The following ROBO2 variants were observed in gnomAD, a reference collection of about 807,000 sequenced individuals.
The protein encoded by ROBO2 is roundabout guidance receptor 2.
A neutral mutation model predicts 160.8 loss-of-function variants in ROBO2; 53 were observed. The observed-to-expected ratio is 0.33, with a 90% CI of 0.26 to 0.41. The LOEUF (loss-of-function observed/expected upper bound fraction) is 0.41, where lower values mean the gene tolerates loss of function less well. ROBO2 is among the 10% of genes least tolerant of loss of function. The probability of loss-of-function intolerance (pLI) is 1.00; values close to 1 mark genes in which losing one functional copy is unlikely to be tolerated. For missense variants in ROBO2, 1,577 were observed against 1,722.4 expected (o/e 0.92, Z 1.49); for synonymous variants, 664 against 611.7 (o/e 1.09, Z -1.26).
chr3:77,496,244 A>C (rs1425945311), intron 5 of ROBO2, among the ~76,000 whole-genome samples: 1 of 152,176 alleles, frequency 6.6e-6, no homozygotes, highest in Admixed American at 6.5e-5. Flanking sequence ...GTAAGCTTTA[A>C]ATTGTTTTTG....
chr3:76,882,228 G>C (rs866732672), intron 2 of ROBO2, among the ~76,000 whole-genome samples: 2 of 151,938 alleles, frequency 1.3e-5, no homozygotes, highest in Non-Finnish European at 2.9e-5. Context: ...TTGTTGCTGT[G>C]GTTGTTAGTT....
intron 2 of ROBO2, among the ~76,000 whole-genome samples, chr3:77,004,694 C>G (rs992254591): frequency 2.9e-4 from 44 of 152,164 alleles, no homozygotes; most frequent in African/African-American, 1.1e-3. Context: ...AGGCATTTCG[C>G]TTTCAGTAAA....
intron 2 of ROBO2, among the ~76,000 whole-genome samples, chr3:77,218,190 C>A (rs2085235204): frequency 6.6e-6 from 1 of 152,060 alleles, no homozygotes; most frequent in Admixed American, 6.6e-5. Flanking sequence ...TTTCACTGGA[C>A]TGGGTATTAA....
intron 2 of ROBO2, among the ~76,000 whole-genome samples, chr3:77,432,241 TG>T: frequency 6.6e-6 from 1 of 152,284 alleles, no homozygotes; most frequent in Middle Eastern, 3.4e-3. Flanking sequence ...TTATAGGAAA[TG>T]TAAGGAATGA....
intron 2 of ROBO2, among the ~76,000 whole-genome samples, chr3:76,812,716 A>G (rs2065299108): frequency 6.6e-6 from 1 of 152,002 alleles, no homozygotes; most frequent in Non-Finnish European, 1.5e-5. Flanking sequence ...AGAGCTTTCT[A>G]AAGTGTACTC....
chr3:77,215,034 T>C (rs1292226013), intron 2 of ROBO2, among the ~76,000 whole-genome samples: 1 of 152,166 alleles, frequency 6.6e-6, no homozygotes, highest in Non-Finnish European at 1.5e-5. Context: ...ATTTCAACTT[T>C]GGTGAATCTG....
chr3:77,599,212 A>T (rs967060697), intron 19 of ROBO2, among the ~76,000 whole-genome samples: 1 of 141,376 alleles, frequency 7.1e-6, no homozygotes, highest in Non-Finnish European at 1.5e-5. Context: ...GTATATTTTA[A>T]TTCATTTTGC....
intron 2 of ROBO2, among the ~76,000 whole-genome samples, chr3:76,462,391 T>TAC (rs541733455): frequency 6.3e-4 from 96 of 151,804 alleles, no homozygotes; most frequent in Admixed American, 1.6e-3. Context: ...TCAGTACATA[T>TAC]ACACACACAC....
At chr3:77,177,365 G>A (rs543191467) in intron 2 of ROBO2, among the ~76,000 whole-genome samples, 1 of 151,806 alleles carries the variant, frequency 6.6e-6, no homozygotes. Context: ...TCATCCCTCA[G>A]CATCTGTGAG....
At chr3:76,243,418 T>C (rs1022494122) in intron 2 of ROBO2, among the ~76,000 whole-genome samples, 1 of 152,118 alleles carries the variant, frequency 6.6e-6, no homozygotes, top group Non-Finnish European at 1.5e-5. Flanking sequence ...TGGTAAAGTA[T>C]AAGGAAAGAG....
intron 2 of ROBO2, among the ~76,000 whole-genome samples, chr3:76,687,785 A>G (rs1542258): frequency 0.57 from 86,788 of 151,854 alleles, 26,274 homozygotes; most frequent in East Asian, 0.78. Context: ...AAAAATTACC[A>G]TGAAATACCA....
intron 2 of ROBO2, among the ~76,000 whole-genome samples, chr3:76,444,501 G>C (rs2077075244): frequency 6.6e-6 from 1 of 152,130 alleles, no homozygotes; most frequent in Non-Finnish European, 1.5e-5. Context: ...GAGGCCTCAG[G>C]AAACCTACAA....
chr3:77,079,021 G>T (rs2068328057), intron 1 of ROBO2, among the ~76,000 whole-genome samples: 1 of 152,110 alleles, frequency 6.6e-6, no homozygotes, highest in Non-Finnish European at 1.5e-5. Flanking sequence ...TCGGCTCACT[G>T]CAACCTCTGC....
At chr3:77,166,197 G>T (rs1273802104) in intron 2 of ROBO2, among the ~76,000 whole-genome samples, 1 of 152,010 alleles carries the variant, frequency 6.6e-6, no homozygotes, top group Non-Finnish European at 1.5e-5. Context: ...GGCGGAGGTT[G>T]TAGTAAGCCA....
intron 17 of ROBO2, among the ~76,000 whole-genome samples, chr3:77,591,004 GT>G (rs978885306): frequency 6.6e-5 from 10 of 152,078 alleles, no homozygotes; most frequent in Non-Finnish European, 1.0e-4. Context: ...CCTTTCAGAA[GT>G]TTTTTACTTA....
At chr3:77,630,312 A>G (rs1351546280) in intron 23 of ROBO2, 3 of 151,470 alleles carry the variant, frequency 2.0e-5, no homozygotes, top group East Asian at 3.8e-4. Context: ...ACAGTTCCAC[A>G]CGGCTGGAGA....
chr3:75,972,270 C>CAAA lies in ROBO2; in HGVS notation c.109+34670_109+34672dup, dbSNP rs141054263. ...TAAAATCAAAATGTGTGAAATACCA[C>CAAA]AAAATAGTATACTTGATTGTTATGG... is the stretch of plus-strand genomic sequence containing the variant. On this transcript the variant is annotated intron_variant, in intron 2 of 26. Transcript: ENST00000487694. 6.8e-3 allele frequency among the ~76,000 whole-genome samples: 1,036 copies of CAAA among 151,656 alleles called. 64 individuals carry two copies. The East Asian group carries it at 0.17, about 25-fold the overall frequency.
At chr3:76,483,395 G>A (rs975935478) in intron 2 of ROBO2, among the ~76,000 whole-genome samples, 1 of 151,476 alleles carries the variant, frequency 6.6e-6, no homozygotes, top group East Asian at 1.9e-4. Flanking sequence ...TGATGCTGAG[G>A]TTTGGGGTGT....
intron 2 of ROBO2, among the ~76,000 whole-genome samples, chr3:76,320,643 A>G (rs1381664085): frequency 6.6e-6 from 1 of 152,230 alleles, no homozygotes; most frequent in Non-Finnish European, 1.5e-5. Flanking sequence ...ATGTCACAGA[A>G]GTACCTTCTA....
Sources: allele counts gnomAD v4.1 joint callset (sites outside exome capture counted in the v4.1 genomes callset), GRCh38; gene constraint gnomAD v4.1.1; transcripts MANE v1.5; gene names NCBI Gene and HGNC (gene_info 2026-07-23, HGNC 2026-07-21).